Variants in KCNIP1 observed in about 807,000 individuals in gnomAD.
The protein encoded by KCNIP1 is potassium voltage-gated channel interacting protein 1, also known as A-type potassium channel modulatory protein KCNIP1.
KCNIP1 carries 18 observed loss-of-function variants against 33.0 expected under a neutral mutation model. The ratio of observed to expected loss-of-function variants is 0.55; its 90% CI spans 0.38 to 0.81. The LOEUF (loss-of-function observed/expected upper bound fraction) is 0.81. Ranked by LOEUF, KCNIP1 falls within the 30% of genes least tolerant of loss-of-function variation. The pLI is 0.00. For synonymous variants in KCNIP1, 93 were observed against 98.3 expected (o/e 0.95, Z 0.32); for missense variants, 238 against 271.6 (o/e 0.88, Z 0.87).
rs187360749 is a variant in KCNIP1, at chr5:170,585,288, G to T, written c.61+80655G>T. On this transcript the variant is annotated intron_variant, in intron 1 of 7. Transcript: ENST00000328939. Reference sequence around the variant, plus strand: ...TGAGAACTCCCTCATTTTTCAGAGGGGGGGATCTGAGGGTCAGTGAGGAGA... The same window carrying T: ...TGAGAACTCCCTCATTTTTCAGAGGTGGGGATCTGAGGGTCAGTGAGGAGA... 1.3e-4 allele frequency among the ~76,000 whole-genome samples: 20 copies of T among 152,256 alleles called. No individual in the cohort carries two copies. The South Asian group carries it at 2.1e-3, about 16-fold the overall frequency.
intron 1 of KCNIP1, among the ~76,000 whole-genome samples, chr5:170,563,562 G>A (rs754969265): frequency 2.2e-4 from 33 of 152,162 alleles, no homozygotes; most frequent in Non-Finnish European, 1.2e-4. Context: ...TTACCTTTGT[G>A]TAAGAATGCA....
chr5:170,425,955 G>C (rs2113437984), intron 1 of KCNIP1, among the ~76,000 whole-genome samples: 1 of 152,302 alleles, frequency 6.6e-6, no homozygotes, highest in South Asian at 2.1e-4. Context: ...CTGGTCCGTG[G>C]CATGCTCTAG....
chr5:170,565,039 C>G (rs1414478949), intron 1 of KCNIP1, among the ~76,000 whole-genome samples: 1 of 152,108 alleles, frequency 6.6e-6, no homozygotes, highest in Admixed American at 6.5e-5. Flanking sequence ...GAAATGGCTG[C>G]GAGACCAGAG....
intron 1 of KCNIP1, among the ~76,000 whole-genome samples, chr5:170,416,548 A>C (rs2113417553): frequency 6.6e-6 from 1 of 152,326 alleles, no homozygotes; most frequent in East Asian, 1.9e-4. Context: ...GCTACGACAG[A>C]GCTGGTGTTG....
At chr5:170,587,075 A>C (rs1331475960) in intron 1 of KCNIP1, among the ~76,000 whole-genome samples, 1 of 152,196 alleles carries the variant, frequency 6.6e-6, no homozygotes, top group Non-Finnish European at 1.5e-5. Flanking sequence ...GGCAGGGTGT[A>C]TGAGTTTCCT....
At chr5:170,394,475 GA>G (rs142030338) in intron 1 of KCNIP1, among the ~76,000 whole-genome samples, 6 of 151,768 alleles carry the variant, frequency 4.0e-5, no homozygotes, top group East Asian at 1.9e-4. Context: ...TGGTTTTCGG[GA>G]AAAAAAATCT....
intron 1 of KCNIP1, chr5:170,681,359 T>C: frequency 2.7e-6 from 1 of 374,002 alleles, no homozygotes; most frequent in Non-Finnish European, 4.7e-6. Context: ...TGCTGCGCTG[T>C]CCGTCGTGCT....
intron 1 of KCNIP1, among the ~76,000 whole-genome samples, chr5:170,553,680 C>T (rs1362977568): frequency 6.6e-6 from 1 of 152,196 alleles, no homozygotes; most frequent in African/African-American, 2.4e-5. Context: ...AAGGGCTGGC[C>T]TTTCATTCCT....
upstream of KCNIP1, among the ~76,000 whole-genome samples, chr5:170,499,543 C>A (rs1321298251): frequency 6.6e-6 from 1 of 152,202 alleles, no homozygotes; most frequent in African/African-American, 2.4e-5. Flanking sequence ...AAGGGGCAAG[C>A]TCAGTGTTTG....
At chr5:170,726,088 C>A (rs776142461) in intron 5 of KCNIP1, among the ~76,000 whole-genome samples, 1 of 152,076 alleles carries the variant, frequency 6.6e-6, no homozygotes, top group Non-Finnish European at 1.5e-5. Context: ...GGAATCATTT[C>A]TTAAAGTAGA....
At chr5:170,385,238 G>T in intron 1 of KCNIP1, 1 of 1,524,196 alleles carries the variant, frequency 6.6e-7, no homozygotes, top group Non-Finnish European at 9.1e-7. Context: ...GGGGTGAGTA[G>T]AAGGCCAGGG....
chr5:170,600,947 C>T (rs1459364591), intron 1 of KCNIP1, among the ~76,000 whole-genome samples: 2 of 152,222 alleles, frequency 1.3e-5, no homozygotes, highest in African/African-American at 4.8e-5. Flanking sequence ...ACTTCAGAAT[C>T]GGGCTCTACC....
At chr5:170,540,963 C>T (rs1186381127) in intron 1 of KCNIP1, among the ~76,000 whole-genome samples, 1 of 152,186 alleles carries the variant, frequency 6.6e-6, no homozygotes, top group African/African-American at 2.4e-5. Flanking sequence ...TCTGAGCCCT[C>T]TCTCTGCCTC....
chr5:170,621,486 C>T (rs1240401048), intron 1 of KCNIP1, among the ~76,000 whole-genome samples: 2 of 152,140 alleles, frequency 1.3e-5, no homozygotes, highest in Admixed American at 6.6e-5. Context: ...TGAATCTCTG[C>T]AGGTCAGTCA....
intron 1 of KCNIP1, among the ~76,000 whole-genome samples, chr5:170,648,401 G>A (rs1760880665): frequency 6.6e-6 from 1 of 152,168 alleles, no homozygotes; most frequent in South Asian, 2.1e-4. Context: ...GTGAGCGAAT[G>A]GTTAAATAAA....
At chr5:170,685,078 C>A (rs1486234219) in intron 1 of KCNIP1, among the ~76,000 whole-genome samples, 2 of 152,060 alleles carry the variant, frequency 1.3e-5, no homozygotes, top group African/African-American at 2.4e-5. Flanking sequence ...GGAATGGTAA[C>A]CTTTGGCCTC....
In KCNIP1 at chr5:170,510,813, A is replaced by G. The variant is rs374749958; in HGVS notation, c.61+6180A>G. Among the ~76,000 whole-genome samples the G allele has an allele frequency of 1.8e-4, 28 of 152,194 alleles. No individual in the cohort carries two copies. In the East Asian group the frequency reaches 5.2e-3, roughly 28 times the overall value. ...ATCAGGAAGCTAGAAGTAGGATTGC[A>G]TTATGGCTATGAGCACCGCGTTAAA... is the stretch of plus-strand genomic sequence containing the variant. On this transcript the variant is annotated intron_variant, in intron 1 of 7. Transcript: ENST00000328939.
At chr5:170,618,635 T>C (rs1759490942) in intron 1 of KCNIP1, among the ~76,000 whole-genome samples, 2 of 151,828 alleles carry the variant, frequency 1.3e-5, no homozygotes, top group East Asian at 3.9e-4. Context: ...CTGAGGAGTC[T>C]GGGGACCAAA....
chr5:170,411,127 A>G (rs1755176235), intron 1 of KCNIP1, among the ~76,000 whole-genome samples: 1 of 152,246 alleles, frequency 6.6e-6, no homozygotes, highest in South Asian at 2.1e-4. Context: ...CAGACATATC[A>G]TGTGGCCAAG....
Sources: allele counts gnomAD v4.1 joint callset (sites outside exome capture counted in the v4.1 genomes callset), GRCh38; gene constraint gnomAD v4.1.1; transcripts MANE v1.5; gene names NCBI Gene and HGNC (gene_info 2026-07-23, HGNC 2026-07-21).